Variants in ACTN1 observed in about 807,000 individuals in gnomAD.
ACTN1 encodes the protein alpha-actinin-1.
ACTN1 carries 30 observed loss-of-function variants against 119.6 expected under a neutral mutation model. The observed-to-expected ratio is 0.25, with a 90% confidence interval of 0.19 to 0.34. ACTN1 has a LOEUF of 0.34. Among genes scored for constraint, ACTN1 ranks in the 10% least tolerant of loss-of-function variants. The pLI, the probability that ACTN1 is intolerant of heterozygous loss-of-function variation, is 1.00. For synonymous variants in ACTN1, 429 were observed against 472.6 expected (o/e 0.91, Z 1.20); for missense variants, 764 against 1,223.4 (o/e 0.62, Z 5.60).
At chr14:68,922,319 G>A (rs2034693473) in intron 2 of ACTN1, among the ~76,000 whole-genome samples, 1 of 152,356 alleles carries the variant, frequency 6.6e-6, no homozygotes, top group Non-Finnish European at 1.5e-5. Context: ...CTGGAAGACG[G>A]CAGACTTCCT....
In ACTN1 at chr14:68,892,300, G is replaced by T. The variant is rs752100224; in HGVS notation, c.856-17C>A. 1.9e-6 allele frequency: 3 copies of T among 1,603,090 alleles called. No individual in the cohort carries two copies. The South Asian group carries it at 3.4e-5, about 18-fold the overall frequency. On this transcript the variant is annotated splice_polypyrimidine_tract_variant and intron_variant, in intron 9 of 21. Transcript: ENST00000394419. ...CTCCAACAGCTAGGGTGGGAAGGCG[G>T]TGGGGGCAGGAGGTGAGGAGGCGGG...
rs192769002 is a variant in ACTN1 at position 68,970,355 on chromosome 14, C to T, written c.105+8597G>A. Among the ~76,000 whole-genome samples the T allele has an allele frequency of 4.6e-4, 70 of 152,292 alleles. 1 individual carries two copies. The East Asian group carries it at 0.011, about 24-fold the overall frequency. The stretch of plus-strand genomic sequence containing the variant: ...CAGCCCTGTAACACCAAAAGCCAAC[C>T]TAAGTCCCCCACTCCCTCATCAACT... On this transcript the variant is annotated intron_variant, in intron 1 of 21. Transcript: ENST00000394419.
intron 2 of ACTN1, 153 bp from the exon 3 acceptor site, chr14:68,921,278 G>T (rs1002425341): frequency 2.3e-6 from 2 of 877,418 alleles, no homozygotes; most frequent in Non-Finnish European, 3.2e-6. Context: ...CTGCTCAGGG[G>T]CTGGAGAATG....
rs1309090136 is a variant in ACTN1, at chr14:68,899,357, ACAC to A, written c.762+3117_762+3119del. Among the ~76,000 whole-genome samples, 5 of 143,864 alleles carry A rather than the reference ACAC, an allele frequency of 3.5e-5. 1 individual carries two copies. Among genetic ancestry groups the A allele is most frequent in the Non-Finnish European group, 7.6e-5 (5 of 66,140 alleles). The allele number at this position is 143,864 out of a possible 152,430, so 94.4% of individuals were successfully genotyped here. ...CCCTCACACCTCCTACACACCACAC[ACAC>A]CAGTCCCCACACCCCATACACCTCA... On this transcript the variant is annotated intron_variant, in intron 8 of 21. Transcript: ENST00000394419.
chr14:68,948,174 T>C (rs1264484006), intron 1 of ACTN1, among the ~76,000 whole-genome samples: 1 of 152,164 alleles, frequency 6.6e-6, no homozygotes, highest in Non-Finnish European at 1.5e-5. Context: ...CCCAGGCCCT[T>C]CCACTTAGCA....
At chr14:68,977,567 A>G (rs1040179436) in intron 1 of ACTN1, 2 of 222,320 alleles carry the variant, frequency 9.0e-6, no homozygotes, top group African/African-American at 4.7e-5. Context: ...TGTGTGTTTT[A>G]GATTACCTCT....
At chr14:68,961,225 G>A (rs973406867) in intron 1 of ACTN1, among the ~76,000 whole-genome samples, 5 of 152,146 alleles carry the variant, frequency 3.3e-5, no homozygotes, top group Admixed American at 2.6e-4. Flanking sequence ...GGAACATAAA[G>A]GCTGTGTAAC....
At chr14:68,966,054 C>CA (rs891698223) in intron 1 of ACTN1, among the ~76,000 whole-genome samples, 9 of 151,614 alleles carry the variant, frequency 5.9e-5, no homozygotes, top group African/African-American at 1.9e-4. Flanking sequence ...CCTGTCCCTA[C>CA]AAAAAAAATA....
At chr14:68,883,152 AC>A in intron 14 of ACTN1, 97 bp from the exon 15 acceptor site, 1 of 1,264,348 alleles carries the variant, frequency 7.9e-7, no homozygotes, top group Non-Finnish European at 1.1e-6. Context: ...CAGCTGGGAG[AC>A]CAGGAGGCAT....
intron 1 of ACTN1, among the ~76,000 whole-genome samples, chr14:68,951,977 C>T (rs2036186643): frequency 1.3e-5 from 2 of 152,250 alleles, no homozygotes; most frequent in African/African-American, 2.4e-5. Flanking sequence ...ACCCTACTCC[C>T]TGTCCCCAGG....
chr14:68,880,767 G>T lies in ACTN1; in HGVS notation c.2133+43C>A, dbSNP rs147325192. 3.8e-3 allele frequency: 6,050 copies of T among 1,598,270 alleles called. 42 individuals carry two copies. The highest frequency in any genetic ancestry group is 0.019 in the South Asian group (1,718 of 89,932). On this transcript the variant is annotated intron_variant, in intron 17 of 21. Coordinates refer to ENST00000394419, the MANE Select transcript of ACTN1 (RefSeq NM_001130004.2). The surrounding 1 kb of genome is among the most constrained non-coding windows in gnomAD (Gnocchi z 4.6). ...CCCCACCCAGGAGAAAGAGCAGAAGGGGCCACGGGCTCCCGAAGAGGAACA... is the reference window on the plus strand; with the variant it reads ...CCCCACCCAGGAGAAAGAGCAGAAGTGGCCACGGGCTCCCGAAGAGGAACA...
At position 68,881,038 on chromosome 14, in the gene ACTN1, C is replaced by T. The variant is rs41285482; in HGVS notation, c.1954-49G>A. The T allele has an allele frequency of 0.11, 174,496 of 1,592,092 alleles. 10,173 individuals carry two copies. The highest frequency in any genetic ancestry group is 0.19 in the African/African-American group (14,456 of 74,612). ...TTGTCAGACCACCTCACTCTGCTCCCATAGGGTGGGGACTGGGGCCTCCAA... is the reference window on the plus strand; with the variant it reads ...TTGTCAGACCACCTCACTCTGCTCCTATAGGGTGGGGACTGGGGCCTCCAA... On this transcript the variant is annotated intron_variant, in intron 16 of 21. Transcript: ENST00000394419.
rs1209434832 is a variant in ACTN1 at position 68,880,579 on chromosome 14, C to T, written c.2133+231G>A. On this transcript the variant is annotated intron_variant, in intron 17 of 21. Transcript: ENST00000394419. This position sits in a 1 kb window ranked among gnomAD's most constrained non-coding sequence, Gnocchi z 4.6. ...AACCACCAGAAGTGCTTATTCTGAA[C>T]TCCACCCCAGAATTAGTGAAGCAAA... 2.0e-5 allele frequency among the ~76,000 whole-genome samples: 3 copies of T among 152,218 alleles called. No individual in the cohort carries two copies. The highest frequency in any genetic ancestry group is 3.8e-4 in the East Asian group (2 of 5,204).
intron 7 of ACTN1, among the ~76,000 whole-genome samples, chr14:68,903,423 G>A (rs771564210): frequency 6.6e-6 from 1 of 151,960 alleles, no homozygotes; most frequent in African/African-American, 2.4e-5. Flanking sequence ...TGTAATCCCA[G>A]CTACTTGGGA....
intron 1 of ACTN1, among the ~76,000 whole-genome samples, chr14:68,959,384 AC>A (rs2036453738): frequency 6.6e-6 from 1 of 152,232 alleles, no homozygotes; most frequent in African/African-American, 2.4e-5. Flanking sequence ...TGAAACTAAT[AC>A]TGACAGCACT....
At chr14:68,934,715 T>C in intron 1 of ACTN1, among the ~76,000 whole-genome samples, 1 of 152,232 alleles carries the variant, frequency 6.6e-6, no homozygotes, top group East Asian at 1.9e-4. Flanking sequence ...ATTGTATTAA[T>C]AAGGTATTAG....
At chr14:68,938,898 G>A (rs1217527158) in intron 1 of ACTN1, among the ~76,000 whole-genome samples, 2 of 150,060 alleles carry the variant, frequency 1.3e-5, no homozygotes, top group South Asian at 2.1e-4. Flanking sequence ...TGGCCAAGAG[G>A]AGGAGATGGG....
At chr14:68,907,844 G>A (rs962181079) in intron 6 of ACTN1, among the ~76,000 whole-genome samples, 7 of 152,068 alleles carry the variant, frequency 4.6e-5, no homozygotes, top group African/African-American at 1.4e-4. Context: ...TGACACCCCA[G>A]CATACCCAAG....
chr14:68,894,721 C>A (rs1594774765), intron 8 of ACTN1, among the ~76,000 whole-genome samples: 1 of 152,090 alleles, frequency 6.6e-6, no homozygotes, highest in South Asian at 2.1e-4. Flanking sequence ...AAGATGATAT[C>A]TGTGAGAAGA....
Sources: allele counts gnomAD v4.1 joint callset (sites outside exome capture counted in the v4.1 genomes callset), GRCh38; gene constraint gnomAD v4.1.1; non-coding constraint Gnocchi (gnomAD v3.1); transcripts MANE v1.5; gene names NCBI Gene and HGNC (gene_info 2026-07-23, HGNC 2026-07-21).